Variants in TRHDE observed in about 807,000 individuals in gnomAD.
TRHDE encodes thyrotropin-releasing hormone-degrading ectoenzyme.
A neutral mutation model predicts 125.7 loss-of-function variants in TRHDE; 72 were observed. That is an observed-to-expected ratio of 0.57 (90% CI 0.47 to 0.70). The LOEUF is 0.70. Ranked by LOEUF, TRHDE falls within the 30% of genes least tolerant of loss-of-function variation. TRHDE has a pLI of 0.00. For synonymous variants in TRHDE, 509 were observed against 509.1 expected (o/e 1.00, Z 0.00); for missense variants, 1,110 against 1,327.1 (o/e 0.84, Z 2.54).
At chr12:72,484,482 A>T (rs576526893) in intron 5 of TRHDE, among the ~76,000 whole-genome samples, 1 of 152,272 alleles carries the variant, frequency 6.6e-6, no homozygotes, top group South Asian at 2.1e-4. Flanking sequence ...CTAATGATAT[A>T]TGCTTTATCA....
chr12:72,473,918 T>C (rs1876766388), intron 5 of TRHDE, among the ~76,000 whole-genome samples: 1 of 152,102 alleles, frequency 6.6e-6, no homozygotes, highest in South Asian at 2.1e-4. Flanking sequence ...AGTGGTACTA[T>C]TAAATTAAGT....
rs375780985 is a variant in TRHDE, at chr12:72,087,891, A to G, written n.174+452A>G. Among the ~76,000 whole-genome samples the G allele has an allele frequency of 2.0e-5, 3 of 152,152 alleles. 1 individual carries two copies. The highest frequency in any genetic ancestry group is 7.2e-5 in the African/African-American group (3 of 41,514). On this transcript the variant is annotated intron_variant and non_coding_transcript_variant, in intron 1 of 4. Coordinates refer to the TRHDE transcript ENST00000548156. ...CCATTTACCAGCCGAGGTGTAGGAG[A>G]ACAGGAGGAGTAGGACTGCAGGATC...
Position 72,226,004 on chromosome 12 carries a change from C to T in TRHDE, n.279+120252C>T, listed in dbSNP as rs138335926. ...TATTTGTCTAGGTGTCAGCAAGGAC[C>T]GTGTACCAAAAGCTGTCCTGTGGGG... is the stretch of plus-strand genomic sequence containing the variant. On this transcript the variant is annotated intron_variant and non_coding_transcript_variant, in intron 2 of 4. Transcript: ENST00000548156. 2.8e-3 allele frequency among the ~76,000 whole-genome samples: 421 copies of T among 152,294 alleles called. 2 individuals carry two copies. Among genetic ancestry groups the T allele is most frequent in the African/African-American group, 9.1e-3 (377 of 41,564 alleles).
At chr12:72,606,083 G>A in intron 12 of TRHDE, among the ~76,000 whole-genome samples, 1 of 152,132 alleles carries the variant, frequency 6.6e-6, no homozygotes, top group East Asian at 1.9e-4. Context: ...CCAACATGCT[G>A]CCAGTCTGAC....
chr12:72,455,559 G>A (rs998235462), intron 3 of TRHDE, among the ~76,000 whole-genome samples: 2 of 151,938 alleles, frequency 1.3e-5, no homozygotes, highest in Non-Finnish European at 2.9e-5. Context: ...AATCTTTAAT[G>A]GATGGATTTA....
chr12:72,568,646 T>C lies in TRHDE; in HGVS notation c.2121T>C (p.Ser707=). The part of the protein sequence containing the change: ...HVSSEAIIWV[S]NKSEHHRITY... ...CTTCAGAAGCAATTATTTGGGTGTCTAACAAATCAGGTAAACTATATATTC... is the reference window on the plus strand; with the variant it reads ...CTTCAGAAGCAATTATTTGGGTGTCCAACAAATCAGGTAAACTATATATTC... The change falls in exon 10 of 19, where the codon TCT becomes TCC. Residue 707 remains serine (S), a synonymous_variant. Transcript: ENST00000261180. 6.2e-7 allele frequency: 1 copy of C among 1,607,992 alleles called. No individual in the cohort carries two copies. The highest frequency in any genetic ancestry group is 8.5e-7 in the Non-Finnish European group (1 of 1,175,232).
intron 3 of TRHDE, among the ~76,000 whole-genome samples, chr12:72,427,213 G>A (rs1014936059): frequency 6.6e-6 from 1 of 152,012 alleles, no homozygotes; most frequent in Non-Finnish European, 1.5e-5. Context: ...CCCTGATCTA[G>A]ACAGTAGTAT....
intron 3 of TRHDE, among the ~76,000 whole-genome samples, chr12:72,447,925 T>A (rs563685114): frequency 6.6e-6 from 1 of 152,090 alleles, no homozygotes; most frequent in South Asian, 2.1e-4. Context: ...TCAGAAAAAA[T>A]TTATAACTGT....
intron 6 of TRHDE, among the ~76,000 whole-genome samples, chr12:72,536,795 A>C (rs764670455): frequency 2.0e-5 from 3 of 152,190 alleles, no homozygotes; most frequent in Admixed American, 1.3e-4. Context: ...CTGCAAGTTC[A>C]TATCTGTCTT....
At chr12:72,620,552 A>G (rs1053414379) in intron 13 of TRHDE, among the ~76,000 whole-genome samples, 1 of 151,910 alleles carries the variant, frequency 6.6e-6, no homozygotes, top group Non-Finnish European at 1.5e-5. Flanking sequence ...GAGGGAGAGC[A>G]TGCCTTACCT....
rs184051699 is a variant in TRHDE, at chr12:72,247,290, T to A, written n.280-130705T>A. 5.8e-3 allele frequency among the ~76,000 whole-genome samples: 888 copies of A among 152,168 alleles called. 14 individuals carry two copies. Among genetic ancestry groups the A allele is most frequent in the African/African-American group, 0.018 (762 of 41,514 alleles). ...AGATGTAACTATTAATTAAAAAAAA[T>A]TTTTGACCTTCTGCATGGTTTAATC... On this transcript the variant is annotated intron_variant and non_coding_transcript_variant, in intron 2 of 4. Transcript: ENST00000548156.
chr12:72,177,318 AG>A (rs1394771373), intron 2 of TRHDE, among the ~76,000 whole-genome samples: 1 of 152,198 alleles, frequency 6.6e-6, no homozygotes, highest in Non-Finnish European at 1.5e-5. Flanking sequence ...GGTACTTTTG[AG>A]ACTTGATATT....
At chr12:72,400,599 G>T (rs1268999053) in intron 3 of TRHDE, among the ~76,000 whole-genome samples, 6 of 152,104 alleles carry the variant, frequency 3.9e-5, no homozygotes, top group African/African-American at 1.4e-4. Context: ...TACCTTTCAA[G>T]CTATTACCAT....
At chr12:72,588,567 T>C (rs1282442214) in intron 12 of TRHDE, among the ~76,000 whole-genome samples, 1 of 152,154 alleles carries the variant, frequency 6.6e-6, no homozygotes, top group East Asian at 1.9e-4. Context: ...TGGGAGGGTT[T>C]TGAGCAGAAG....
chr12:72,488,217 G>C (rs1877503366), intron 5 of TRHDE, among the ~76,000 whole-genome samples: 1 of 152,040 alleles, frequency 6.6e-6, no homozygotes, highest in South Asian at 2.1e-4. Context: ...AAGACATAGA[G>C]TGGCTGAGTG....
intron 18 of TRHDE, among the ~76,000 whole-genome samples, chr12:72,659,879 C>T (rs999504072): frequency 2.6e-5 from 4 of 152,014 alleles, no homozygotes; most frequent in Admixed American, 2.6e-4. Context: ...GGTATTCTCC[C>T]CGCTTGCGGA....
chr12:72,513,333 C>G (rs896216962), intron 6 of TRHDE, among the ~76,000 whole-genome samples: 2 of 152,064 alleles, frequency 1.3e-5, no homozygotes, highest in African/African-American at 4.8e-5. Flanking sequence ...CAATTCTAGT[C>G]GAACAACAAA....
At position 72,107,093 on chromosome 12, in the gene TRHDE, G is replaced by T. The variant is rs147824888; in HGVS notation, n.279+1341G>T. On this transcript the variant is annotated intron_variant and non_coding_transcript_variant, in intron 2 of 4. Coordinates refer to the TRHDE transcript ENST00000548156. ...CTCATATTCTAAGTTTTATCTAAAT[G>T]AATAGTAATGACATGTCTATTTTAA... is the stretch of plus-strand genomic sequence containing the variant. Among the ~76,000 whole-genome samples the T allele has an allele frequency of 2.0e-3, 309 of 152,154 alleles. 1 individual carries two copies. The highest frequency in any genetic ancestry group is 7.1e-3 in the African/African-American group (294 of 41,516).
chr12:72,599,678 CG>C, intron 12 of TRHDE, among the ~76,000 whole-genome samples: 1 of 151,904 alleles, frequency 6.6e-6, no homozygotes, highest in Non-Finnish European at 1.5e-5. Flanking sequence ...CTGTCTACTC[CG>C]TTGATAATCT....
Sources: allele counts gnomAD v4.1 joint callset (sites outside exome capture counted in the v4.1 genomes callset), GRCh38; gene constraint gnomAD v4.1.1; transcripts MANE v1.5; gene names NCBI Gene and HGNC (gene_info 2026-07-23, HGNC 2026-07-21).